SLC35F3: variants seen among roughly 807,000 people sequenced by gnomAD.
The protein encoded by SLC35F3 is solute carrier family 35 member F3.
In SLC35F3, 25 loss-of-function variants were observed where a neutral mutation model predicts 49.9. The ratio of observed to expected loss-of-function variants is 0.50; its 90% CI spans 0.37 to 0.70. The LOEUF (loss-of-function observed/expected upper bound fraction) is 0.70, where lower values mean the gene tolerates loss of function less well. SLC35F3 is among the 30% of genes least tolerant of loss of function. The pLI is 0.00. For missense variants in SLC35F3, 525 were observed against 639.8 expected, an observed-to-expected ratio of 0.82 and a Z score of 1.94; for synonymous variants, 275 against 265.4, an observed-to-expected ratio of 1.04 and a Z score of -0.35.
chr1:234,320,679 C>T lies in SLC35F3; in HGVS notation c.1237+492C>T, dbSNP rs1213677528. On this transcript the variant is annotated intron_variant, in intron 7 of 7. Coordinates refer to ENST00000366618, the MANE Select transcript of SLC35F3 (RefSeq NM_173508.4). This position sits in a 1 kb window ranked among gnomAD's most constrained non-coding sequence, Gnocchi z 4.8. ...TGCTGACAAGCTGAAGAAGCGTGAA[C>T]GGCATTTTCCCTGACCTCCGGGAAG... is the stretch of plus-strand genomic sequence containing the variant. 6.6e-6 allele frequency among the ~76,000 whole-genome samples: 1 copy of T among 152,126 alleles called. No individual in the cohort carries two copies. Among genetic ancestry groups the T allele is most frequent in the Non-Finnish European group, 1.5e-5 (1 of 68,026 alleles).
chr1:234,288,488 T>A lies in SLC35F3; in HGVS notation c.609-20613T>A, dbSNP rs191337392. Among the ~76,000 whole-genome samples, 285 of 152,330 alleles carry A rather than the reference T, an allele frequency of 1.9e-3. 1 individual carries two copies. Among genetic ancestry groups the A allele is most frequent in the Non-Finnish European group, 3.3e-3 (223 of 68,030 alleles). ...GTCCACTGTGATTTGGTAAAAAATA[T>A]GAAGGATGTTTTTAGTCTATGTCTG... On this transcript the variant is annotated intron_variant, in intron 3 of 7. Transcript: ENST00000366618.
intron 2 of SLC35F3, among the ~76,000 whole-genome samples, chr1:234,045,203 G>T (rs1014487226): frequency 1.3e-5 from 2 of 152,028 alleles, no homozygotes; most frequent in Non-Finnish European, 2.9e-5. Flanking sequence ...TGTACTAAAA[G>T]GTGTATAACC....
intron 2 of SLC35F3, among the ~76,000 whole-genome samples, chr1:234,124,803 G>T (rs1203349040): frequency 6.6e-6 from 1 of 152,180 alleles, no homozygotes; most frequent in Non-Finnish European, 1.5e-5. Flanking sequence ...AGTAGTTTGA[G>T]GTTTCAGGGA....
intron 2 of SLC35F3, among the ~76,000 whole-genome samples, chr1:234,195,962 C>T (rs1419532159): frequency 6.6e-6 from 1 of 152,040 alleles, no homozygotes; most frequent in Non-Finnish European, 1.5e-5. Flanking sequence ...TCCCCAGCCA[C>T]GTGGAATTGT....
rs142436643 is a variant in SLC35F3 at position 234,197,713 on chromosome 1, G to A, written c.284-33704G>A. 5.0e-3 allele frequency among the ~76,000 whole-genome samples: 762 copies of A among 152,356 alleles called. 3 individuals carry two copies. Among genetic ancestry groups the A allele is most frequent in the Middle Eastern group, 0.02 (6 of 294 alleles). On this transcript the variant is annotated intron_variant, in intron 2 of 7. Transcript: ENST00000366618. The stretch of plus-strand genomic sequence containing the variant: ...CTCAAGCCTGCTCTCACTCCCCACG[G>A]AGGGCTGCAGTCCTTGCAAAGTGGG...
At chr1:234,315,013 T>C (rs1657452057) in intron 4 of SLC35F3, among the ~76,000 whole-genome samples, 1 of 152,224 alleles carries the variant, frequency 6.6e-6, no homozygotes, top group Non-Finnish European at 1.5e-5. Context: ...AATTCCCTTA[T>C]GGTCTTGCTA....
At chr1:234,049,577 T>C (rs1413153782) in intron 2 of SLC35F3, among the ~76,000 whole-genome samples, 1 of 152,224 alleles carries the variant, frequency 6.6e-6, no homozygotes, top group Non-Finnish European at 1.5e-5. Flanking sequence ...CTGTGGTATT[T>C]TATTAGGGAA....
intron 2 of SLC35F3, among the ~76,000 whole-genome samples, chr1:234,166,640 A>G (rs1489004808): frequency 6.6e-6 from 1 of 152,162 alleles, no homozygotes; most frequent in African/African-American, 2.4e-5. Context: ...CAAGGGCTGC[A>G]TCCCCTAAAC....
chr1:234,117,912 ATGTGTGTGTGTGTG>A (rs370186911), intron 2 of SLC35F3, among the ~76,000 whole-genome samples: 8,443 of 113,836 alleles, frequency 0.074, 695 homozygotes, highest in Non-Finnish European at 0.078. Flanking sequence ...AAGACTATAT[ATGTGTGTGTGTGTG>A]TGTGTGTGTG....
At chr1:234,252,770 G>C (rs1667757561) in intron 3 of SLC35F3, among the ~76,000 whole-genome samples, 1 of 152,206 alleles carries the variant, frequency 6.6e-6, no homozygotes, top group African/African-American at 2.4e-5. Context: ...TGCCAAGGCA[G>C]TACTCACGAC....
chr1:234,016,738 G>GA (rs542467810), intron 2 of SLC35F3, among the ~76,000 whole-genome samples: 123 of 152,320 alleles, frequency 8.1e-4, no homozygotes, highest in South Asian at 6.4e-3. Flanking sequence ...CCATGTGCTT[G>GA]ATGTTAGGAG....
At chr1:234,078,049 C>G (rs934188256) in intron 2 of SLC35F3, among the ~76,000 whole-genome samples, 6 of 152,198 alleles carry the variant, frequency 3.9e-5, no homozygotes, top group Admixed American at 6.5e-5. Flanking sequence ...AAGATGTCCT[C>G]CAACTAAGGC....
chr1:234,091,314 C>T (rs1665041478), intron 2 of SLC35F3, among the ~76,000 whole-genome samples: 1 of 152,208 alleles, frequency 6.6e-6, no homozygotes, highest in Non-Finnish European at 1.5e-5. Context: ...TACTCTCAGT[C>T]CTTTAATGGA....
intron 3 of SLC35F3, among the ~76,000 whole-genome samples, chr1:234,235,120 G>T (rs2102953257): frequency 6.6e-6 from 1 of 152,302 alleles, no homozygotes; most frequent in Non-Finnish European, 1.5e-5. Flanking sequence ...CTCATGATCA[G>T]ATACTGTTGT....
At chr1:234,203,693 G>C (rs1029430216) in intron 2 of SLC35F3, among the ~76,000 whole-genome samples, 2 of 145,818 alleles carry the variant, frequency 1.4e-5, no homozygotes, top group East Asian at 2.0e-4. Flanking sequence ...CCTGGTGACA[G>C]AGCAAGACTC....
At chr1:234,031,084 T>A (rs1323280285) in intron 2 of SLC35F3, among the ~76,000 whole-genome samples, 1 of 152,148 alleles carries the variant, frequency 6.6e-6, no homozygotes, top group East Asian at 1.9e-4. Context: ...TGCTGGGAAT[T>A]TACACCATTT....
chr1:233,971,566 A>C (rs1463908622), intron 2 of SLC35F3, among the ~76,000 whole-genome samples: 1 of 152,074 alleles, frequency 6.6e-6, no homozygotes, highest in East Asian at 1.9e-4. Flanking sequence ...CTAAGAATAC[A>C]AAAATTAGCC....
Position 234,144,244 on chromosome 1 carries a change from T to TGCCTGTTGAGTGTCGGTGC in SLC35F3, c.284-87172_284-87154dup, listed in dbSNP as rs1487079915. On this transcript the variant is annotated intron_variant, in intron 2 of 7. Coordinates refer to ENST00000366618, the MANE Select transcript of SLC35F3 (RefSeq NM_173508.4). The stretch of plus-strand genomic sequence containing the variant: ...AGGAAACACAGAGATGCTCCATAGT[T>TGCCTGTTGAGTGTCGGTGC]GCCTGTTGAGTGTCGGTGCTCTTGG... 3.3e-5 allele frequency among the ~76,000 whole-genome samples: 5 copies of TGCCTGTTGAGTGTCGGTGC among 152,334 alleles called. No individual in the cohort carries two copies. The East Asian group carries it at 7.7e-4, about 23-fold the overall frequency.
intron 2 of SLC35F3, among the ~76,000 whole-genome samples, chr1:234,104,534 A>G (rs1172191744): frequency 2.0e-5 from 3 of 152,216 alleles, no homozygotes; most frequent in Non-Finnish European, 4.4e-5. Flanking sequence ...CATCAATGGC[A>G]TGGCTATAAT....
Sources: allele counts gnomAD v4.1 joint callset (sites outside exome capture counted in the v4.1 genomes callset), GRCh38; gene constraint gnomAD v4.1.1; non-coding constraint Gnocchi (gnomAD v3.1); transcripts MANE v1.5; gene names NCBI Gene and HGNC (gene_info 2026-07-23, HGNC 2026-07-21).